RGL1: variants seen among roughly 807,000 people sequenced by gnomAD.
RGL1 encodes the protein ral guanine nucleotide dissociation stimulator like 1.
Under a neutral mutation model 95.2 loss-of-function variants are expected in RGL1, and 24 were observed. That is an observed-to-expected ratio of 0.25 (90% CI 0.18 to 0.35). RGL1 has a LOEUF of 0.35. Among genes scored for constraint, RGL1 ranks in the 10% least tolerant of loss-of-function variants. The probability of loss-of-function intolerance (pLI) is 1.00; values close to 1 mark genes in which losing one functional copy is unlikely to be tolerated. For synonymous variants in RGL1, 329 were observed against 344.9 expected (o/e 0.95, Z 0.51); for missense variants, 715 against 936.3 (o/e 0.76, Z 3.08).
In RGL1 at chr1:183,851,108, C is replaced by T. The variant is rs191461298; in HGVS notation, c.347+3334C>T. 3.4e-3 allele frequency among the ~76,000 whole-genome samples: 521 copies of T among 152,334 alleles called. 2 individuals carry two copies. The highest frequency in any genetic ancestry group is 5.7e-3 in the Non-Finnish European group (387 of 68,024). ...TTTAAAACACTAACTGGATGACTGA[C>T]TAACACTGAAAATGAATCAAACTGC... On this transcript the variant is annotated intron_variant, in intron 3 of 17. Coordinates refer to ENST00000360851, the MANE Select transcript of RGL1 (RefSeq NM_001297671.3).
At chr1:183,812,240 G>A (rs1661771620) in intron 2 of RGL1, among the ~76,000 whole-genome samples, 1 of 152,172 alleles carries the variant, frequency 6.6e-6, no homozygotes, top group South Asian at 2.1e-4. Flanking sequence ...TGGTTAAGTG[G>A]GGGAAGATAA....
At position 183,642,918 on chromosome 1, in the gene RGL1, AT is replaced by A. The variant is rs199645975; in HGVS notation, c.-33+6419del. 9.4e-3 allele frequency among the ~76,000 whole-genome samples: 1,433 copies of A among 152,354 alleles called. 15 individuals carry two copies. The highest frequency in any genetic ancestry group is 0.014 in the Non-Finnish European group (964 of 68,034). On this transcript the variant is annotated intron_variant, in intron 1 of 18. Coordinates refer to the RGL1 transcript ENST00000304685. ...TCCAGACCTCTTTTCATCTTACAAA[AT>A]TAACTCTGTACCCATTAAACAATAA...
At chr1:183,764,126 TACC>T (rs1658843817) in intron 2 of RGL1, among the ~76,000 whole-genome samples, 1 of 152,176 alleles carries the variant, frequency 6.6e-6, no homozygotes, top group Non-Finnish European at 1.5e-5. Context: ...GGTGTATTAT[TACC>T]ACAACACCAG....
At position 183,805,254 on chromosome 1, in the gene RGL1, A is replaced by T; in HGVS notation, c.-44A>T. ...GCAGACATTGCGTTGGCCTCCGAGCAGGGCGCATCATGCAGCGTTCGCGCA... is the reference window on the plus strand; with the variant it reads ...GCAGACATTGCGTTGGCCTCCGAGCTGGGCGCATCATGCAGCGTTCGCGCA... On this transcript the variant is annotated 5_prime_UTR_variant, in exon 1 of 18. Transcript: ENST00000360851. The T allele has an allele frequency of 6.2e-7, 1 of 1,607,896 alleles. No homozygotes were observed. Among genetic ancestry groups the T allele is most frequent in the Non-Finnish European group, 8.5e-7 (1 of 1,177,746 alleles).
intron 2 of RGL1, among the ~76,000 whole-genome samples, chr1:183,839,661 C>T (rs1270320664): frequency 6.6e-6 from 1 of 152,198 alleles, no homozygotes; most frequent in East Asian, 1.9e-4. Context: ...AAAACCTCAT[C>T]ATTGGTCTCC....
intron 2 of RGL1, among the ~76,000 whole-genome samples, chr1:183,757,186 G>T (rs12031450): frequency 6.6e-6 from 1 of 152,184 alleles, no homozygotes. Context: ...GCGAATGTCT[G>T]TATGGAGACT....
chr1:183,758,345 T>C (rs1314680479), intron 2 of RGL1, among the ~76,000 whole-genome samples: 1 of 152,110 alleles, frequency 6.6e-6, no homozygotes, highest in African/African-American at 2.4e-5. Context: ...TACGGGCGCC[T>C]GCCACCATGC....
intron 1 of RGL1, among the ~76,000 whole-genome samples, chr1:183,735,560 A>G (rs1051170029): frequency 3.3e-5 from 5 of 152,192 alleles, no homozygotes; most frequent in African/African-American, 1.2e-4. Flanking sequence ...AATACTCAGG[A>G]TATAACTGAG....
At chr1:183,728,754 A>G (rs985854644) in intron 1 of RGL1, among the ~76,000 whole-genome samples, 2 of 152,228 alleles carry the variant, frequency 1.3e-5, no homozygotes, top group Non-Finnish European at 2.9e-5. Context: ...AAGATACAGC[A>G]ATCAAGTTGG....
chr1:183,701,685 T>A (rs1654606156), intron 1 of RGL1, among the ~76,000 whole-genome samples: 1 of 152,180 alleles, frequency 6.6e-6, no homozygotes, highest in Non-Finnish European at 1.5e-5. Context: ...ATGCCTGTAA[T>A]CCCAGCAGTT....
intron 16 of RGL1, among the ~76,000 whole-genome samples, chr1:183,920,350 T>G (rs1205599777): frequency 6.6e-6 from 1 of 152,234 alleles, no homozygotes; most frequent in Non-Finnish European, 1.5e-5. Context: ...AACTTTTTAA[T>G]TGTGGCTACT....
intron 4 of RGL1, among the ~76,000 whole-genome samples, chr1:183,873,862 C>A (rs539864227): frequency 6.6e-6 from 1 of 152,186 alleles, no homozygotes. Flanking sequence ...GGAAACAAGA[C>A]CAAATTAGGC....
At chr1:183,831,829 A>G (rs967021263) in intron 2 of RGL1, among the ~76,000 whole-genome samples, 2 of 152,222 alleles carry the variant, frequency 1.3e-5, no homozygotes, top group African/African-American at 4.8e-5. Flanking sequence ...AAAATTTTAC[A>G]GTCTAGTGCG....
At chr1:183,847,244 T>C (rs1177137624) in intron 2 of RGL1, among the ~76,000 whole-genome samples, 1 of 151,314 alleles carries the variant, frequency 6.6e-6, no homozygotes, top group African/African-American at 2.4e-5. Context: ...AACCCAGGAG[T>C]TTGAGACCAG....
At chr1:183,774,331 G>T (rs1397451054) in intron 2 of RGL1, among the ~76,000 whole-genome samples, 1 of 152,116 alleles carries the variant, frequency 6.6e-6, no homozygotes, top group East Asian at 1.9e-4. Flanking sequence ...TGTTTGTTTT[G>T]TTATGAAAGC....
chr1:183,865,824 C>T (rs925023356), intron 3 of RGL1, among the ~76,000 whole-genome samples, 172 bp from the exon 4 acceptor site: 8 of 152,198 alleles, frequency 5.3e-5, no homozygotes, highest in Non-Finnish European at 1.0e-4. Flanking sequence ...GCAGATATAT[C>T]CATTAAGTAA....
intron 2 of RGL1, among the ~76,000 whole-genome samples, chr1:183,752,916 T>A (rs1273295052): frequency 6.6e-6 from 1 of 152,172 alleles, no homozygotes; most frequent in African/African-American, 2.4e-5. Context: ...GTTTAGATCA[T>A]CTCTACATTT....
intron 1 of RGL1, among the ~76,000 whole-genome samples, chr1:183,719,458 G>A (rs1013861305): frequency 2.0e-5 from 3 of 152,098 alleles, no homozygotes; most frequent in Admixed American, 2.0e-4. Context: ...CTGAGGACAA[G>A]CTGATGGCAC....
intron 1 of RGL1, among the ~76,000 whole-genome samples, chr1:183,662,673 G>A (rs1651727870): frequency 6.6e-6 from 1 of 152,104 alleles, no homozygotes; most frequent in Non-Finnish European, 1.5e-5. Context: ...TCCCCATCAA[G>A]CTACCAATGA....
Sources: allele counts gnomAD v4.1 joint callset (sites outside exome capture counted in the v4.1 genomes callset), GRCh38; gene constraint gnomAD v4.1.1; transcripts MANE v1.5; gene names NCBI Gene and HGNC (gene_info 2026-07-23, HGNC 2026-07-21).